Variants in TAF12 observed in about 807,000 individuals in gnomAD.
TAF12 encodes TATA-box binding protein associated factor 12.
TAF12 carries 3 observed loss-of-function variants against 20.8 expected under a neutral mutation model. The observed-to-expected ratio is 0.14, with a 90% confidence interval of 0.07 to 0.37. TAF12 has a LOEUF of 0.37. Among genes scored for constraint, TAF12 ranks in the 10% least tolerant of loss-of-function variants. The probability of loss-of-function intolerance (pLI) is 1.00; values close to 1 mark genes in which losing one functional copy is unlikely to be tolerated. For missense variants in TAF12, 131 were observed against 197.9 expected, an observed-to-expected ratio of 0.66 and a Z score of 2.03; for synonymous variants, 69 against 70.2, an observed-to-expected ratio of 0.98 and a Z score of 0.09.
chr1:28,645,039 CT>C (rs546596213), upstream of TAF12, among the ~76,000 whole-genome samples: 244 of 143,240 alleles, frequency 1.7e-3, 1 homozygote, highest in South Asian at 7.6e-3. Context: ...GATGAATTTT[CT>C]TTTTTTTTTT....
upstream of TAF12, among the ~76,000 whole-genome samples, chr1:28,643,850 G>A (rs1169284873): frequency 6.6e-6 from 1 of 152,078 alleles, no homozygotes; most frequent in Non-Finnish European, 1.5e-5. Context: ...AAGAGTTCAA[G>A]ACCAGTCTGG....
chr1:28,639,997 C>T (rs765638174), intron 1 of TAF12, among the ~76,000 whole-genome samples: 9 of 152,112 alleles, frequency 5.9e-5, no homozygotes, highest in Non-Finnish European at 1.2e-4. Context: ...CATGTGCCAC[C>T]ATGCCCAGCT....
At chr1:28,635,146 C>T (rs1217081947) in intron 1 of TAF12, among the ~76,000 whole-genome samples, 3 of 113,150 alleles carry the variant, frequency 2.7e-5, no homozygotes, top group Non-Finnish European at 3.7e-5. Context: ...AGGAGAATAG[C>T]GCGAACCCGG....
chr1:28,617,858 G>C, intron 3 of TAF12, 95 bp downstream of exon 3: 1 of 1,197,516 alleles, frequency 8.4e-7, no homozygotes, highest in Admixed American at 1.8e-5. Context: ...CTCTCAAAAG[G>C]CATGAGCCAC....
At chr1:28,625,286 C>T (rs78349423) in intron 1 of TAF12, among the ~76,000 whole-genome samples, 8,471 of 152,006 alleles carry the variant, frequency 0.056, 340 homozygotes, top group Middle Eastern at 0.15. Context: ...CACCTATAAT[C>T]CCAGCTACTC....
chr1:28,604,898 AC>A (rs1666614267), intron 5 of TAF12, among the ~76,000 whole-genome samples: 1 of 152,150 alleles, frequency 6.6e-6, no homozygotes, highest in Admixed American at 6.6e-5. Context: ...TTCAGAGGGA[AC>A]CTTGTTCAAA....
At chr1:28,621,846 T>C (rs1206453307) in intron 2 of TAF12, 68 bp downstream of exon 2, 3 of 1,561,360 alleles carry the variant, frequency 1.9e-6, no homozygotes, top group Non-Finnish European at 2.6e-6. Flanking sequence ...GGACATCTCT[T>C]AAAGTATTAC....
chr1:28,645,058 C>G (rs867743647), upstream of TAF12, among the ~76,000 whole-genome samples: 1 of 150,562 alleles, frequency 6.6e-6, no homozygotes, highest in Non-Finnish European at 1.5e-5. Flanking sequence ...TTTTTTGAGA[C>G]GGAGTCTCGC....
At chr1:28,630,328 G>A (rs537077006) in intron 1 of TAF12, among the ~76,000 whole-genome samples, 7 of 152,212 alleles carry the variant, frequency 4.6e-5, no homozygotes, top group East Asian at 1.9e-4. Flanking sequence ...AGGCCGAGGC[G>A]GGCAGATCAT....
At chr1:28,623,070 T>C (rs1667273600) in intron 1 of TAF12, among the ~76,000 whole-genome samples, 1 of 150,182 alleles carries the variant, frequency 6.7e-6, no homozygotes. Flanking sequence ...AACACTTAGC[T>C]GGACATGGTA....
At chr1:28,640,485 G>C (rs1667995889) in intron 1 of TAF12, among the ~76,000 whole-genome samples, 1 of 152,180 alleles carries the variant, frequency 6.6e-6, no homozygotes. Context: ...TGTGATTTCA[G>C]GCAAAGTAAC....
In TAF12 at chr1:28,632,459, T is replaced by C. The variant is rs1437604060; in HGVS notation, c.-84-10294A>G. On this transcript the variant is annotated intron_variant, in intron 1 of 5. Transcript: ENST00000373824. The stretch of plus-strand genomic sequence containing the variant: ...TCAACCCGGGAGGCGGAGGTTGCAG[T>C]GTGCAGAGATCGCACCATTGCACTC... Among the ~76,000 whole-genome samples, 2 of 152,140 alleles carry C rather than the reference T, an allele frequency of 1.3e-5. 1 individual carries two copies. The highest frequency in any genetic ancestry group is 4.1e-4 in the South Asian group (2 of 4,820).
At chr1:28,620,233 AG>A (rs956385315) in intron 2 of TAF12, among the ~76,000 whole-genome samples, 18 of 150,396 alleles carry the variant, frequency 1.2e-4, no homozygotes, top group African/African-American at 4.4e-4. Flanking sequence ...TCCCGGGTTC[AG>A]GTGATTCTTT....
intron 4 of TAF12, among the ~76,000 whole-genome samples, chr1:28,610,974 A>AAAC (rs1283681635): frequency 2.2e-5 from 2 of 92,736 alleles, no homozygotes; most frequent in Non-Finnish European, 5.6e-5. Flanking sequence ...AAAAAAAAAA[A>AAAC]AAAAAAAAAC....
intron 1 of TAF12, among the ~76,000 whole-genome samples, chr1:28,625,679 C>A (rs987729182): frequency 6.6e-6 from 1 of 151,638 alleles, no homozygotes. Context: ...GTAGCTGGGA[C>A]TACAGGCACC....
At chr1:28,637,009 C>T (rs986406586) in intron 1 of TAF12, among the ~76,000 whole-genome samples, 4 of 152,236 alleles carry the variant, frequency 2.6e-5, no homozygotes, top group East Asian at 3.9e-4. Context: ...TTTCATTTCA[C>T]TCATCCTGCT....
rs928710616 is a variant in TAF12 at position 28,643,020 on chromosome 1, T to C, written c.-113A>G. ...CAGCAGCGTCTATCTCCCCATGATATGCAGAGACTGCCCCAGTGAAGCGTT... is the reference window on the plus strand; with the variant it reads ...CAGCAGCGTCTATCTCCCCATGATACGCAGAGACTGCCCCAGTGAAGCGTT... On this transcript the variant is annotated 5_prime_UTR_variant, in exon 1 of 6. Transcript: ENST00000373824. 38 of 985,806 alleles carry C rather than the reference T, an allele frequency of 3.9e-5. No homozygotes were observed. Among genetic ancestry groups the C allele is most frequent in the Non-Finnish European group, 4.3e-5 (36 of 829,990 alleles). 61.1% of individuals were successfully genotyped at this position (985,806 alleles called of 1,614,324 possible).
At chr1:28,638,720 A>G (rs962300018) in intron 1 of TAF12, among the ~76,000 whole-genome samples, 29 of 150,490 alleles carry the variant, frequency 1.9e-4, no homozygotes, top group Non-Finnish European at 4.1e-4. Flanking sequence ...TCCTGACCTC[A>G]GGTGATCTGC....
At chr1:28,642,774 TC>T in intron 1 of TAF12, 1 of 985,388 alleles carries the variant, frequency 1.0e-6, no homozygotes, top group Non-Finnish European at 1.2e-6. Flanking sequence ...AGAACTCGCA[TC>T]CGTCCCCGTT....
Sources: gnomAD v4.1 joint callset for allele counts (sites outside exome capture counted in the v4.1 genomes callset) on GRCh38, gnomAD v4.1.1 for gene constraint, MANE v1.5 for transcripts, NCBI Gene and HGNC (gene_info 2026-07-23, HGNC 2026-07-21) for gene names.